RGS6: variants seen among roughly 807,000 people sequenced by gnomAD.
RGS6 encodes regulator of G protein signaling 6, also known as regulator of G-protein signaling 6.
Under a neutral mutation model 78.5 loss-of-function variants are expected in RGS6, and 30 were observed. The ratio of observed to expected loss-of-function variants is 0.38; its 90% CI spans 0.29 to 0.52. The LOEUF is 0.52. Among genes scored for constraint, RGS6 ranks in the 20% least tolerant of loss-of-function variants. RGS6 has a pLI of 0.85. For missense variants in RGS6, 495 were observed against 609.7 expected (o/e 0.81, Z 1.98); for synonymous variants, 206 against 206.0 (o/e 1.00, Z 0.00).
chr14:72,389,954 C>T (rs1363243134), intron 3 of RGS6, among the ~76,000 whole-genome samples: 1 of 151,978 alleles, frequency 6.6e-6, no homozygotes. Flanking sequence ...AAAAGTCCAA[C>T]TTGTATCATT....
chr14:72,461,949 C>T (rs144727903), intron 6 of RGS6, among the ~76,000 whole-genome samples: 333 of 152,180 alleles, frequency 2.2e-3, no homozygotes, highest in African/African-American at 7.6e-3. Context: ...TGAGTTAATA[C>T]GGAGTGGTGG....
the RGS6 span, among the ~76,000 whole-genome samples, chr14:72,582,037 T>C: frequency 2.6e-5 from 4 of 152,198 alleles, no homozygotes. Flanking sequence ...ATTTTGGCTT[T>C]ATATCGACCT....
rs1365613595 is a variant in RGS6 at position 72,138,694 on chromosome 14, C to T, written c.84+173819C>T. On this transcript the variant is annotated intron_variant, in intron 2 of 17. Coordinates refer to ENST00000553525, the MANE Select transcript of RGS6 (RefSeq NM_001204424.2). Reference sequence around the variant, plus strand: ...CACTCATATTTCCACCTGAGTTCTGCGTCCTATCAGATCAGCAGCAGCATT... The same window carrying T: ...CACTCATATTTCCACCTGAGTTCTGTGTCCTATCAGATCAGCAGCAGCATT... Among the ~76,000 whole-genome samples, 5 of 151,970 alleles carry T rather than the reference C, an allele frequency of 3.3e-5. 1 individual carries two copies. Among genetic ancestry groups the T allele is most frequent in the Non-Finnish European group, 7.4e-5 (5 of 67,986 alleles).
At chr14:72,458,758 G>A (rs187379484) in intron 5 of RGS6, among the ~76,000 whole-genome samples, 3 of 152,298 alleles carry the variant, frequency 2.0e-5, no homozygotes, top group Non-Finnish European at 4.4e-5. Context: ...GCTCATAGAT[G>A]GCACCTTCTA....
intron 2 of RGS6, among the ~76,000 whole-genome samples, chr14:72,137,785 G>C (rs1354612602): frequency 6.6e-6 from 1 of 152,138 alleles, no homozygotes; most frequent in Non-Finnish European, 1.5e-5. Context: ...ATGTGTTTTT[G>C]TTCACAAACT....
chr14:71,868,616 A>G, the RGS6 span, among the ~76,000 whole-genome samples: 1 of 152,218 alleles, frequency 6.6e-6, no homozygotes, highest in Admixed American at 6.5e-5. Flanking sequence ...CTAGAAAGCC[A>G]GTTTATGGTA....
chr14:72,323,657 C>T (rs2072769973), intron 2 of RGS6, among the ~76,000 whole-genome samples: 1 of 151,078 alleles, frequency 6.6e-6, no homozygotes, highest in South Asian at 2.1e-4. Flanking sequence ...CAAATATTAG[C>T]TGGGTGTGGT....
At chr14:72,100,133 G>A (rs2095497706) in intron 2 of RGS6, among the ~76,000 whole-genome samples, 1 of 152,144 alleles carries the variant, frequency 6.6e-6, no homozygotes, top group Non-Finnish European at 1.5e-5. Flanking sequence ...GAGAGACTTA[G>A]AAGATAGTAA....
chr14:71,904,758 A>G, the RGS6 span, among the ~76,000 whole-genome samples: 1 of 152,084 alleles, frequency 6.6e-6, no homozygotes, highest in South Asian at 2.1e-4. Flanking sequence ...GGTCTTGTCT[A>G]ATGTTTGCAT....
At chr14:72,016,325 C>T (rs1172058772) in intron 2 of RGS6, among the ~76,000 whole-genome samples, 1 of 152,164 alleles carries the variant, frequency 6.6e-6, no homozygotes, top group Admixed American at 6.5e-5. Flanking sequence ...TTCCCAAACA[C>T]GTGTGACTGT....
intron 3 of RGS6, among the ~76,000 whole-genome samples, chr14:72,435,597 A>G (rs2094867156): frequency 6.6e-6 from 1 of 152,044 alleles, no homozygotes; most frequent in African/African-American, 2.4e-5. Context: ...AAATCCAGGT[A>G]TTGGCAACAG....
intron 2 of RGS6, among the ~76,000 whole-genome samples, chr14:72,191,481 A>C (rs1050466700): frequency 1.3e-5 from 2 of 152,196 alleles, no homozygotes; most frequent in African/African-American, 4.8e-5. Context: ...TAATGGACTC[A>C]CAGTTCCACA....
chr14:72,241,471 C>T (rs2052811243), intron 2 of RGS6, among the ~76,000 whole-genome samples: 1 of 151,972 alleles, frequency 6.6e-6, no homozygotes, highest in Non-Finnish European at 1.5e-5. Context: ...CTCTCTTATT[C>T]TAAGAAGGAA....
chr14:71,975,956 A>C (rs2094100760), intron 2 of RGS6, among the ~76,000 whole-genome samples: 4 of 152,112 alleles, frequency 2.6e-5, no homozygotes, highest in Admixed American at 2.6e-4. Flanking sequence ...CTTATCCTCC[A>C]GTTCACTAAT....
intron 3 of RGS6, among the ~76,000 whole-genome samples, chr14:72,429,097 G>A (rs536902372): frequency 6.6e-6 from 1 of 152,310 alleles, no homozygotes; most frequent in African/African-American, 2.4e-5. Context: ...AGCTACTCAG[G>A]AGGCTGAGGC....
rs1170008939 is a variant in RGS6, at chr14:72,096,577, T to C, written c.84+131702T>C. Among the ~76,000 whole-genome samples, 3 of 152,292 alleles carry C rather than the reference T, an allele frequency of 2.0e-5. No individual in the cohort carries two copies. In the South Asian group the frequency reaches 6.2e-4, roughly 32 times the overall value. ...TGCTGTGTACTCTAGACATAGGTTT[T>C]GTGGGTTGACTGAGCTCAGCCGGGT... On this transcript the variant is annotated intron_variant, in intron 2 of 17. Coordinates refer to ENST00000553525, the MANE Select transcript of RGS6 (RefSeq NM_001204424.2).
At chr14:71,967,659 T>G (rs1278085439) in intron 2 of RGS6, among the ~76,000 whole-genome samples, 2 of 152,204 alleles carry the variant, frequency 1.3e-5, no homozygotes, top group African/African-American at 2.4e-5. Context: ...TGTTGTTGTT[T>G]TTTTTCTCTT....
chr14:72,229,513 C>T (rs1442242955), intron 2 of RGS6, among the ~76,000 whole-genome samples: 1 of 152,188 alleles, frequency 6.6e-6, no homozygotes, highest in Non-Finnish European at 1.5e-5. Flanking sequence ...CAGCAGTGCT[C>T]TTTACCATGT....
chr14:72,392,709 G>T (rs1237564279), intron 3 of RGS6, among the ~76,000 whole-genome samples: 1 of 152,134 alleles, frequency 6.6e-6, no homozygotes, highest in Non-Finnish European at 1.5e-5. Context: ...ATCTGGGGGA[G>T]GGGGAGCCTC....
Sources: allele counts gnomAD v4.1 joint callset (sites outside exome capture counted in the v4.1 genomes callset), GRCh38; gene constraint gnomAD v4.1.1; transcripts MANE v1.5; gene names NCBI Gene and HGNC (gene_info 2026-07-23, HGNC 2026-07-21).